HS2ST1: variants seen among roughly 807,000 people sequenced by gnomAD.
HS2ST1 encodes the protein 2-O-sulfotransferase.
In HS2ST1, 18 loss-of-function variants were observed where a neutral mutation model predicts 42.9. The observed-to-expected ratio is 0.42, with a 90% CI of 0.29 to 0.62. The LOEUF is 0.62. Ranked by LOEUF, HS2ST1 falls within the 20% of genes least tolerant of loss-of-function variation. The pLI is 0.21. For missense variants in HS2ST1, 334 were observed against 433.8 expected, an observed-to-expected ratio of 0.77 and a Z score of 2.04; for synonymous variants, 146 against 152.9, an observed-to-expected ratio of 0.95 and a Z score of 0.33.
At chr1:86,921,621 C>T (rs996214766) in intron 1 of HS2ST1, among the ~76,000 whole-genome samples, 4 of 152,120 alleles carry the variant, frequency 2.6e-5, no homozygotes, top group African/African-American at 9.7e-5. Flanking sequence ...CGTAAGAAGA[C>T]AGCATTTGTC....
At position 87,008,905 on chromosome 1, in the gene HS2ST1, G is replaced by A. The variant is rs563919403; in HGVS notation, c.125-64029G>A. Reference sequence around the variant, plus strand: ...GTCACCCAGGCTAGAGTGCAGTGGTGCAATCATGGCTCACTGCAGCCTCGA... The same window carrying A: ...GTCACCCAGGCTAGAGTGCAGTGGTACAATCATGGCTCACTGCAGCCTCGA... On this transcript the variant is annotated intron_variant, in intron 1 of 6. Coordinates refer to ENST00000370550, the MANE Select transcript of HS2ST1 (RefSeq NM_012262.4). 4.6e-5 allele frequency among the ~76,000 whole-genome samples: 7 copies of A among 152,274 alleles called. No individual in the cohort carries two copies. In the South Asian group the frequency reaches 1.4e-3, roughly 32 times the overall value.
chr1:87,030,719 C>A (rs566438055), intron 1 of HS2ST1, among the ~76,000 whole-genome samples: 16 of 152,176 alleles, frequency 1.1e-4, no homozygotes, highest in African/African-American at 3.6e-4. Context: ...ATAATGCTTT[C>A]TTTCTACTTT....
At chr1:87,021,088 T>C (rs1034205028) in intron 1 of HS2ST1, among the ~76,000 whole-genome samples, 1 of 152,196 alleles carries the variant, frequency 6.6e-6, no homozygotes, top group African/African-American at 2.4e-5. Flanking sequence ...TTAAGGAATT[T>C]AGTGCAGGGT....
chr1:86,921,430 T>C (rs1277744350), intron 1 of HS2ST1, among the ~76,000 whole-genome samples: 1 of 152,170 alleles, frequency 6.6e-6, no homozygotes, highest in Non-Finnish European at 1.5e-5. Context: ...TATTCTTTGC[T>C]CTGAAACCTA....
chr1:87,040,845 G>A (rs1167188747), intron 1 of HS2ST1, among the ~76,000 whole-genome samples: 1 of 152,066 alleles, frequency 6.6e-6, no homozygotes, highest in East Asian at 1.9e-4. Context: ...TGTAAAAGGT[G>A]GAAAGTAGTA....
chr1:86,940,981 T>C (rs1660748169), intron 1 of HS2ST1, among the ~76,000 whole-genome samples: 1 of 152,052 alleles, frequency 6.6e-6, no homozygotes, highest in South Asian at 2.1e-4. Flanking sequence ...AACAAGACCC[T>C]GTCTCAAAAA....
At chr1:86,973,180 T>C (rs1334993777) in intron 1 of HS2ST1, among the ~76,000 whole-genome samples, 1 of 152,072 alleles carries the variant, frequency 6.6e-6, no homozygotes, top group African/African-American at 2.4e-5. Flanking sequence ...AGGATCTTTC[T>C]TTGTTCTTAA....
chr1:87,103,695 A>G (rs1652269462), intron 6 of HS2ST1, 106 bp downstream of exon 6: 2 of 886,172 alleles, frequency 2.3e-6, no homozygotes, highest in South Asian at 2.2e-5. Flanking sequence ...CACAACAGAT[A>G]GCTCCAGAAA....
intron 1 of HS2ST1, among the ~76,000 whole-genome samples, chr1:86,984,732 A>C (rs1648704850): frequency 6.6e-6 from 1 of 151,970 alleles, no homozygotes; most frequent in African/African-American, 2.4e-5. Flanking sequence ...CTAATAAAAT[A>C]CTAAATAAAA....
chr1:87,043,552 T>C (rs1443153186), intron 1 of HS2ST1, among the ~76,000 whole-genome samples: 1 of 152,138 alleles, frequency 6.6e-6, no homozygotes, highest in Non-Finnish European at 1.5e-5. Flanking sequence ...TTGTTTACTA[T>C]ATTCATGTAG....
chr1:87,108,450 C>CT lies in HS2ST1; in HGVS notation c.*3757dup, dbSNP rs1199877306. The CT allele has an allele frequency of 6.6e-6, 1 of 152,030 alleles. No homozygotes were observed. Among genetic ancestry groups the CT allele is most frequent in the African/African-American group, 2.4e-5 (1 of 41,402 alleles). The allele number at this position is 152,030 out of a possible 1,614,324, so 9.4% of individuals were successfully genotyped here. On this transcript the variant is annotated 3_prime_UTR_variant, in exon 7 of 7. Coordinates refer to ENST00000370550, the MANE Select transcript of HS2ST1 (RefSeq NM_012262.4). Reference sequence around the variant, plus strand: ...CCTCTTCATAAATTAGTGCTGTTTACTTTCAGAGGAAGCAGAGAAGTTGCT... The same window carrying CT: ...CCTCTTCATAAATTAGTGCTGTTTACTTTTCAGAGGAAGCAGAGAAGTTGCT...
chr1:86,992,960 T>G (rs994935294), intron 1 of HS2ST1: 7 of 1,060,712 alleles, frequency 6.6e-6, no homozygotes, highest in Non-Finnish European at 9.4e-6. Flanking sequence ...GCAAGGCCTG[T>G]TTGTTCACAT....
At chr1:87,066,284 C>G (rs1213493894) in intron 1 of HS2ST1, among the ~76,000 whole-genome samples, 2 of 152,146 alleles carry the variant, frequency 1.3e-5, no homozygotes, top group African/African-American at 4.8e-5. Flanking sequence ...CATCAGGAGC[C>G]TGGAAAAACT....
At chr1:87,040,402 TCTAATATGCC>T (rs1650489514) in intron 1 of HS2ST1, among the ~76,000 whole-genome samples, 1 of 152,116 alleles carries the variant, frequency 6.6e-6, no homozygotes. Context: ...CCATTTTCCT[TCTAATATGCC>T]CATTCTGCCC....
chr1:86,989,531 C>T (rs1466514906), intron 1 of HS2ST1, among the ~76,000 whole-genome samples: 1 of 152,214 alleles, frequency 6.6e-6, no homozygotes, highest in Non-Finnish European at 1.5e-5. Context: ...AGCTTCTGCA[C>T]ATCAATAGGC....
chr1:87,001,704 C>T (rs1649287308), intron 1 of HS2ST1, among the ~76,000 whole-genome samples: 1 of 152,218 alleles, frequency 6.6e-6, no homozygotes, highest in Non-Finnish European at 1.5e-5. Flanking sequence ...ATCTCCGCCT[C>T]TCGGGTTCAA....
chr1:86,915,204 C>G (rs199857468), intron 1 of HS2ST1, 44 bp downstream of exon 1: 2 of 1,564,158 alleles, frequency 1.3e-6, no homozygotes, highest in Non-Finnish European at 1.7e-6. Context: ...TGGAAGGGGC[C>G]GAGGAGGCGC....
intron 1 of HS2ST1, among the ~76,000 whole-genome samples, chr1:86,964,505 G>T (rs1220955827): frequency 2.6e-5 from 4 of 152,234 alleles, no homozygotes; most frequent in Admixed American, 6.5e-5. Context: ...AGGCGTGGCG[G>T]CACGCGCCTG....
chr1:87,076,663 G>A (rs1251671221), intron 2 of HS2ST1, among the ~76,000 whole-genome samples: 1 of 152,140 alleles, frequency 6.6e-6, no homozygotes, highest in African/African-American at 2.4e-5. Flanking sequence ...TAATAGAGAG[G>A]AATTGGCAAG....
Sources: allele counts gnomAD v4.1 joint callset (sites outside exome capture counted in the v4.1 genomes callset), GRCh38; gene constraint gnomAD v4.1.1; transcripts MANE v1.5; gene names NCBI Gene and HGNC (gene_info 2026-07-23, HGNC 2026-07-21).